DMTF1: variants seen among roughly 807,000 people sequenced by gnomAD.
The protein encoded by DMTF1 is cyclin D binding myb like transcription factor 1.
Under a neutral mutation model 91.1 loss-of-function variants are expected in DMTF1, and 39 were observed. The observed-to-expected ratio is 0.43, with a 90% confidence interval of 0.33 to 0.56. The LOEUF (loss-of-function observed/expected upper bound fraction) is 0.56, where lower values mean the gene tolerates loss of function less well. Ranked by LOEUF, DMTF1 falls within the 20% of genes least tolerant of loss-of-function variation. DMTF1 has a pLI of 0.05. For missense variants in DMTF1, 750 were observed against 914.5 expected, an observed-to-expected ratio of 0.82 and a Z score of 2.32; for synonymous variants, 338 against 309.5, an observed-to-expected ratio of 1.09 and a Z score of -0.97.
intron 1 of DMTF1, among the ~76,000 whole-genome samples, chr7:87,160,347 T>C (rs1344706149): frequency 6.6e-6 from 1 of 151,458 alleles, no homozygotes; most frequent in Non-Finnish European, 1.5e-5. Flanking sequence ...CGATCTTGGC[T>C]CACTGCAACT....
chr7:87,153,236 C>CTT (rs1789748334), intron 1 of DMTF1, among the ~76,000 whole-genome samples: 2 of 152,100 alleles, frequency 1.3e-5, no homozygotes, highest in African/African-American at 4.8e-5. Context: ...GTCTGACTCT[C>CTT]TTTAAAGAAG....
chr7:87,160,313 C>T (rs1364227622), intron 1 of DMTF1, among the ~76,000 whole-genome samples: 1 of 149,442 alleles, frequency 6.7e-6, no homozygotes, highest in African/African-American at 2.5e-5. Flanking sequence ...TCACTCTCGT[C>T]CTCCAGGCTG....
intron 1 of DMTF1, chr7:87,162,678 T>C (rs1350636727): frequency 6.6e-6 from 1 of 152,204 alleles, no homozygotes; most frequent in African/African-American, 2.4e-5. Flanking sequence ...TGAAATCTAA[T>C]AGCTTAATGG....
chr7:87,182,341 C>T lies in DMTF1; in HGVS notation c.820+4C>T, dbSNP rs1470670706. 6.2e-7 allele frequency: 1 copy of T among 1,613,778 alleles called. No homozygotes were observed. The highest frequency in any genetic ancestry group is 8.5e-7 in the Non-Finnish European group (1 of 1,179,870). On this transcript the variant is annotated splice_donor_region_variant and intron_variant, in intron 10 of 17. Transcript: ENST00000331242. Reference sequence around the variant, plus strand: ...ATGAAGGATACTTGCAACACAGGTACTGTGACTACTACTGGTAGCGTTTTC... The same window carrying T: ...ATGAAGGATACTTGCAACACAGGTATTGTGACTACTACTGGTAGCGTTTTC...
chr7:87,169,346 C>T (rs1794579277), intron 4 of DMTF1, among the ~76,000 whole-genome samples: 1 of 152,116 alleles, frequency 6.6e-6, no homozygotes, highest in Admixed American at 6.5e-5. Flanking sequence ...GTAATCTCAG[C>T]TGCTAGGGAG....
intron 1 of DMTF1, chr7:87,155,656 C>T (rs1035304385): frequency 6.6e-6 from 1 of 152,066 alleles, no homozygotes; most frequent in African/African-American, 2.4e-5. Context: ...ATAGAAATCA[C>T]AAATAGATTT....
chr7:87,167,385 G>T (rs879582509), intron 4 of DMTF1, among the ~76,000 whole-genome samples: 1 of 152,198 alleles, frequency 6.6e-6, no homozygotes, highest in Non-Finnish European at 1.5e-5. Flanking sequence ...AGCAAAGAGT[G>T]TGGAGTGTTC....
chr7:87,165,173 G>A (rs1562791089), intron 3 of DMTF1, 123 bp downstream of exon 3: 10 of 501,114 alleles, frequency 2.0e-5, no homozygotes, highest in Non-Finnish European at 2.1e-5. Context: ...CAGTAGAAAA[G>A]GAGATTATCT....
At position 87,194,815 on chromosome 7, in the gene DMTF1, G is replaced by A; in HGVS notation, c.2160G>A (p.Leu720=). ...DVIDTESVLP[L]TTLTDPILQH... is the part of the protein sequence containing the mutation. ...TAGATACTGAATCTGTCTTGCCTTT[G>A]ACAACACTAACAGGTACTGTAATAT... The change falls in exon 17 of 18, where the codon TTG becomes TTA. Residue 720 remains leucine (L), a synonymous_variant. Coordinates refer to ENST00000331242, the MANE Select transcript of DMTF1 (RefSeq NM_001142327.2). 6.2e-7 allele frequency: 1 copy of A among 1,611,118 alleles called. No homozygotes were observed. Among genetic ancestry groups the A allele is most frequent in the Non-Finnish European group, 8.5e-7 (1 of 1,178,612 alleles).
rs1332482607 is a variant in DMTF1 at position 87,154,881 on chromosome 7, TAAC to T, written c.-132+2332_-132+2334del. Among the ~76,000 whole-genome samples, 4 of 152,174 alleles carry T rather than the reference TAAC, an allele frequency of 2.6e-5. No individual in the cohort carries two copies. The East Asian group carries it at 5.8e-4, about 22-fold the overall frequency. ...TTGATATCACTGGTTAGTATTTAAA[TAAC>T]AACAAAAAACTTGCCTTTACCTCCT... On this transcript the variant is annotated intron_variant, in intron 1 of 17. Coordinates refer to ENST00000331242, the MANE Select transcript of DMTF1 (RefSeq NM_001142327.2).
intron 6 of DMTF1, among the ~76,000 whole-genome samples, chr7:87,174,262 CA>C (rs34772731): frequency 1.3e-5 from 2 of 152,202 alleles, no homozygotes; most frequent in East Asian, 3.9e-4. Flanking sequence ...AGAAATTTTT[CA>C]AAAAGTTTTG....
intron 8 of DMTF1, among the ~76,000 whole-genome samples, chr7:87,180,836 A>T (rs1797181507): frequency 6.6e-6 from 1 of 151,796 alleles, no homozygotes; most frequent in Non-Finnish European, 1.5e-5. Context: ...AAAAATAAAA[A>T]TAGAAGCATT....
At chr7:87,177,224 C>G (rs1262754002) in intron 7 of DMTF1, among the ~76,000 whole-genome samples, 1 of 152,020 alleles carries the variant, frequency 6.6e-6, no homozygotes, top group Non-Finnish European at 1.5e-5. Context: ...TATCCTTACC[C>G]ATTTATTTAG....
At chr7:87,183,502 C>T (rs1352626769) in intron 10 of DMTF1, among the ~76,000 whole-genome samples, 1 of 152,190 alleles carries the variant, frequency 6.6e-6, no homozygotes, top group African/African-American at 2.4e-5. Context: ...GTAGTCCCAT[C>T]CTTTCACAGC....
intron 12 of DMTF1, 84 bp from the exon 13 acceptor site, chr7:87,188,008 C>G (rs772191768): frequency 3.8e-6 from 4 of 1,065,620 alleles, no homozygotes; most frequent in Admixed American, 1.8e-5. Flanking sequence ...ACTTTCCCTC[C>G]TTACCTCCCC....
chr7:87,188,365 T>C, intron 13 of DMTF1, 64 bp downstream of exon 13: 5 of 1,539,420 alleles, frequency 3.2e-6, no homozygotes, highest in Non-Finnish European at 4.5e-6. Context: ...ATGGCTCTGA[T>C]GTCTTTTGGT....
Position 87,154,146 on chromosome 7 carries a change from A to G in DMTF1, c.-132+1591A>G, listed in dbSNP as rs562885142. On this transcript the variant is annotated intron_variant, in intron 1 of 17. Coordinates refer to ENST00000331242, the MANE Select transcript of DMTF1 (RefSeq NM_001142327.2). ...TTAAGATTTAGAGAAAAAAGGTTAAAGCTACATTCCTTAACGTTACAAAAA... is the reference window on the plus strand; with the variant it reads ...TTAAGATTTAGAGAAAAAAGGTTAAGGCTACATTCCTTAACGTTACAAAAA... 2.0e-5 allele frequency: 3 copies of G among 152,364 alleles called. No individual in the cohort carries two copies. In the South Asian group the frequency reaches 6.2e-4, roughly 32 times the overall value. The allele number at this position is 152,364 out of a possible 1,614,324, so 9.4% of individuals were successfully genotyped here.
rs1800372794 is a variant in DMTF1 at position 87,193,450 on chromosome 7, C to T, written c.1650+97C>T. The T allele has an allele frequency of 4.0e-6, 5 of 1,252,766 alleles. No individual in the cohort carries two copies. The Admixed American group carries it at 5.6e-5, about 14-fold the overall frequency. 77.6% of individuals were successfully genotyped at this position (1,252,766 alleles called of 1,614,324 possible). A position where few individuals can be genotyped will look rare whatever the true frequency, so the allele number is the denominator to read the frequency against. Reference sequence around the variant, plus strand: ...GAAGGTAGTTATCTAAACAGTTCTTCCTACTGCTGCTGTTCCAGGCACAGT... The same window carrying T: ...GAAGGTAGTTATCTAAACAGTTCTTTCTACTGCTGCTGTTCCAGGCACAGT... On this transcript the variant is annotated intron_variant, in intron 15 of 17. Transcript: ENST00000331242.
At chr7:87,194,162 T>A (rs748878286) in intron 16 of DMTF1, 60 bp downstream of exon 16, 7 of 1,496,276 alleles carry the variant, frequency 4.7e-6, no homozygotes, top group Non-Finnish European at 6.2e-6. Context: ...AACCTGCAGT[T>A]TGGGAAACTT....
Sources: gnomAD v4.1 joint callset for allele counts (sites outside exome capture counted in the v4.1 genomes callset) on GRCh38, gnomAD v4.1.1 for gene constraint, MANE v1.5 for transcripts, NCBI Gene and HGNC (gene_info 2026-07-23, HGNC 2026-07-21) for gene names.